Variants in HSPA4L observed in about 807,000 individuals in gnomAD.
HSPA4L encodes heat shock 70 kDa protein 4L.
HSPA4L carries 48 observed loss-of-function variants against 100.3 expected under a neutral mutation model. That is an observed-to-expected ratio of 0.48 (90% CI 0.38 to 0.61). The LOEUF is 0.61. HSPA4L is among the 20% of genes least tolerant of loss of function. HSPA4L has a pLI of 0.00. For missense variants in HSPA4L, 886 were observed against 988.6 expected (o/e 0.90, Z 1.39); for synonymous variants, 319 against 328.2 (o/e 0.97, Z 0.30).
At position 127,801,863 on chromosome 4, in the gene HSPA4L, T is replaced by A. The variant is rs753949597; in HGVS notation, c.608T>A (p.Met203Lys). 1.2e-6 allele frequency: 2 copies of A among 1,609,950 alleles called. No homozygotes were observed. The highest frequency in any genetic ancestry group is 1.1e-5 in the South Asian group (1 of 90,454). The change falls in exon 6 of 19, where the codon ATG (methionine) becomes AAG (lysine). Residue 203 changes from methionine (M) to lysine (K), a missense_variant. Met to Lys is a moderately conservative substitution (Grantham distance 95, BLOSUM62 -1). Transcript: ENST00000296464. ...CCAAGAAATGTAGTATTTATTGATA[T>A]GGGACATTCTGCCTATCAGGTCTTG... is the stretch of plus-strand genomic sequence containing the variant. ...EKPRNVVFIDMGHSAYQVLVC... is the reference protein window; with the variant it reads ...EKPRNVVFIDKGHSAYQVLVC...
chr4:127,802,318 T>C (rs1733212971), intron 6 of HSPA4L, among the ~76,000 whole-genome samples: 1 of 152,220 alleles, frequency 6.6e-6, no homozygotes, highest in South Asian at 2.1e-4. Flanking sequence ...CCAAGCGTTC[T>C]AATCGTAATT....
intron 16 of HSPA4L, among the ~76,000 whole-genome samples, chr4:127,824,787 G>C (rs138876671): frequency 1.4e-3 from 209 of 152,278 alleles, no homozygotes; most frequent in African/African-American, 4.6e-3. Flanking sequence ...TGTTATTTTA[G>C]GGAAAGACCT....
intron 1 of HSPA4L, 45 bp from the exon 2 acceptor site, chr4:127,794,032 A>C (rs779804635): frequency 1.5e-6 from 2 of 1,379,148 alleles, no homozygotes; most frequent in East Asian, 4.7e-5. Context: ...ATAGCACAAT[A>C]ATATAAAAGT....
chr4:127,808,216 A>G, intron 11 of HSPA4L, 87 bp downstream of exon 11: 1 of 1,117,366 alleles, frequency 8.9e-7, no homozygotes, highest in Non-Finnish European at 1.3e-6. Flanking sequence ...TAGACATTTC[A>G]GCTAAGCCAG....
chr4:127,816,257 G>C (rs1261753557), intron 12 of HSPA4L, among the ~76,000 whole-genome samples: 2 of 152,134 alleles, frequency 1.3e-5, no homozygotes, highest in Non-Finnish European at 2.9e-5. Flanking sequence ...AGTGAAGTCA[G>C]AGTCTAGAGG....
chr4:127,832,762 A>G lies in HSPA4L; in HGVS notation c.2408A>G (p.Asn803Ser), dbSNP rs896563540. 1.4e-5 allele frequency: 23 copies of G among 1,613,728 alleles called. No homozygotes were observed. Among genetic ancestry groups the G allele is most frequent in the Non-Finnish European group, 1.8e-5 (21 of 1,179,812 alleles). ...AEVPEDKPKA[N>S]SEHNGPMDGQ... is the part of the protein sequence containing the mutation. ...GTTCCTGAAGACAAACCAAAAGCTA[A>G]TAGTGAACACAATGGCCCAATGGAT... is the stretch of plus-strand genomic sequence containing the variant. Residue 803 changes from asparagine to serine, a missense_variant, in exon 19 of 19, where the codon AAT (asparagine) becomes AGT (serine). By Grantham distance (46) the Asn-to-Ser change is conservative (BLOSUM62 1). Coordinates refer to ENST00000296464, the MANE Select transcript of HSPA4L (RefSeq NM_014278.4).
intron 1 of HSPA4L, among the ~76,000 whole-genome samples, chr4:127,790,193 G>C (rs952161975): frequency 2.0e-5 from 3 of 152,160 alleles, no homozygotes; most frequent in African/African-American, 4.8e-5. Flanking sequence ...TGGCTCTACT[G>C]TTCTAACAAA....
At chr4:127,805,649 A>G (rs1560659687) in intron 9 of HSPA4L, 38 bp from the exon 10 acceptor site, 1 of 1,448,122 alleles carries the variant, frequency 6.9e-7, no homozygotes, top group Admixed American at 1.7e-5. Flanking sequence ...TATGTTTTGT[A>G]TTTGTTGATT....
At chr4:127,832,350 C>G (rs1434918713) in intron 18 of HSPA4L, among the ~76,000 whole-genome samples, 1 of 152,056 alleles carries the variant, frequency 6.6e-6, no homozygotes, top group African/African-American at 2.4e-5. Flanking sequence ...ATGTAATTCT[C>G]ATAGCAAAGC....
At position 127,794,070 on chromosome 4, in the gene HSPA4L, G is replaced by A. The variant is rs1314305149; in HGVS notation, c.108-7G>A. 1 of 1,598,912 alleles carries A rather than the reference G, an allele frequency of 6.3e-7. No homozygotes were observed. Among genetic ancestry groups the A allele is most frequent in the Non-Finnish European group, 8.5e-7 (1 of 1,171,760 alleles). ...CATGGAACAAACTTTTTGTTTTTCT[G>A]GTTTAGGGCCTGTATATCATTGGGA... On this transcript the variant is annotated splice_polypyrimidine_tract_variant and splice_region_variant and intron_variant, in intron 1 of 18. Coordinates refer to ENST00000296464, the MANE Select transcript of HSPA4L (RefSeq NM_014278.4).
In HSPA4L at chr4:127,782,458, A is replaced by G. The variant is rs534613119; in HGVS notation, c.-93A>G. 28 of 1,006,854 alleles carry G rather than the reference A, an allele frequency of 2.8e-5. No individual in the cohort carries two copies. The highest frequency in any genetic ancestry group is 2.1e-4 in the Admixed American group (11 of 51,668). 62.4% of individuals were successfully genotyped at this position (1,006,854 alleles called of 1,614,324 possible). The stretch of plus-strand genomic sequence containing the variant: ...GGGTCCCCTCTCGTTTGCTTCTGGT[A>G]GGAGTCGCAATCCCAGCAGCAATAG... On this transcript the variant is annotated 5_prime_UTR_variant, in exon 1 of 19. Transcript: ENST00000296464.
rs769908985 is a variant in HSPA4L at position 127,830,674 on chromosome 4, G to C, written c.2203G>C (p.Glu735Gln). The C allele has an allele frequency of 5.0e-6, 8 of 1,606,468 alleles. No individual in the cohort carries two copies. The East Asian group carries it at 9.0e-5, about 18-fold the overall frequency. Residue 735 changes from glutamate to glutamine, a missense_variant, in exon 18 of 19, where the codon GAA becomes CAA. Physicochemically the swap from Glu to Gln is conservative, Grantham distance 29. Transcript: ENST00000296464. ...RYDHLDPTEM[E>Q]KVEKCISDAM... is the part of the protein sequence containing the mutation. ...TGATCATCTGGATCCTACTGAAATG[G>C]AAAAGGTTGAAAAATGTATCAGTGA...
chr4:127,831,225 C>A (rs545627212), intron 18 of HSPA4L, among the ~76,000 whole-genome samples: 1 of 151,978 alleles, frequency 6.6e-6, no homozygotes, highest in Non-Finnish European at 1.5e-5. Flanking sequence ...GTTGGCCAGG[C>A]GTGGTGGCTC....
chr4:127,792,328 A>T (rs1487426539), intron 1 of HSPA4L, among the ~76,000 whole-genome samples: 3 of 152,206 alleles, frequency 2.0e-5, no homozygotes, highest in Non-Finnish European at 4.4e-5. Flanking sequence ...GGCTGAGTCC[A>T]AATTATATTC....
chr4:127,803,578 TGGAAGAATCTA>T, intron 6 of HSPA4L, 40 bp from the exon 7 acceptor site: 1 of 1,438,052 alleles, frequency 7.0e-7, no homozygotes, highest in Non-Finnish European at 9.2e-7. Context: ...CTTTTTTTTT[TGGAAGAATCTA>T]TATTTCTGAA....
At chr4:127,821,925 A>T (rs910205732) in intron 14 of HSPA4L, among the ~76,000 whole-genome samples, 2 of 152,180 alleles carry the variant, frequency 1.3e-5, no homozygotes, top group Admixed American at 6.5e-5. Context: ...AGAATGACAT[A>T]GGCTATGTTT....
rs1464963099 is a variant in HSPA4L at position 127,804,048 on chromosome 4, A to G, written c.946A>G (p.Arg316Gly). The G allele has an allele frequency of 6.2e-7, 1 of 1,614,112 alleles. No homozygotes were observed. Among genetic ancestry groups the G allele is most frequent in the Non-Finnish European group, 8.5e-7 (1 of 1,179,990 alleles). Residue 316 changes from arginine (R) to glycine (G), a missense_variant, in exon 8 of 19, where the codon AGG (arginine) becomes GGG (glycine). Arg to Gly is a moderately radical substitution (Grantham distance 125). Transcript: ENST00000296464. The stretch of plus-strand genomic sequence containing the variant: ...ACAACTGTGTGCTTCCCTTTTGGCC[A>G]GGGTTGAACCACCTTTAAAAGCAGT... ...FEQLCASLLA[R>G]VEPPLKAVME... is the part of the protein sequence containing the mutation.
At chr4:127,799,074 A>G (rs1336764258) in intron 4 of HSPA4L, among the ~76,000 whole-genome samples, 1 of 152,038 alleles carries the variant, frequency 6.6e-6, no homozygotes, top group Non-Finnish European at 1.5e-5. Context: ...GTATCAGGGG[A>G]AAAAAAAGAT....
chr4:127,827,129 C>G (rs1199265914), intron 16 of HSPA4L, among the ~76,000 whole-genome samples, 176 bp from the exon 17 acceptor site: 1 of 152,036 alleles, frequency 6.6e-6, no homozygotes, highest in Non-Finnish European at 1.5e-5. Context: ...GGAAGGCATC[C>G]TTGTGTAGGA....
Sources: allele counts gnomAD v4.1 joint callset (sites outside exome capture counted in the v4.1 genomes callset), GRCh38; gene constraint gnomAD v4.1.1; transcripts MANE v1.5; gene names NCBI Gene and HGNC (gene_info 2026-07-23, HGNC 2026-07-21).